Variants in LHFPL6 observed in about 807,000 individuals in gnomAD.
LHFPL6 encodes LHFPL tetraspan subfamily member 6, also known as LHFPL tetraspan subfamily member 6 protein.
In LHFPL6, 9 loss-of-function variants were observed where a neutral mutation model predicts 20.6. That is an observed-to-expected ratio of 0.44 (90% confidence interval 0.26 to 0.76). The LOEUF is 0.76. LHFPL6 is among the 30% of genes least tolerant of loss of function. The probability of loss-of-function intolerance (pLI) is 0.20; values close to 1 mark genes in which losing one functional copy is unlikely to be tolerated. For synonymous variants in LHFPL6, 105 were observed against 98.7 expected (o/e 1.06, Z -0.38); for missense variants, 218 against 253.5 (o/e 0.86, Z 0.95).
intron 2 of LHFPL6, among the ~76,000 whole-genome samples, chr13:39,419,474 C>T (rs933686519): frequency 4.6e-5 from 7 of 152,066 alleles, no homozygotes; most frequent in Admixed American, 2.6e-4. Context: ...AGTAAGGAAA[C>T]AAAAAGTGAA....
rs1009103974 is a variant in LHFPL6, at chr13:39,360,045, C to T, written c.485-15991G>A. The stretch of plus-strand genomic sequence containing the variant: ...GTTTTGTTTTGTTTTGTTTTTGAGA[C>T]AGTCTCGCTCTGTCGCCCAGGTTGG... On this transcript the variant is annotated intron_variant, in intron 3 of 3. Transcript: ENST00000379589. 6.2e-5 allele frequency among the ~76,000 whole-genome samples: 7 copies of T among 112,200 alleles called. No homozygotes were observed. In the South Asian group the frequency reaches 1.2e-3, roughly 19 times the overall value. 73.6% of individuals were successfully genotyped at this position (112,200 alleles called of 152,430 possible).
intron 2 of LHFPL6, among the ~76,000 whole-genome samples, chr13:39,472,385 T>C (rs548118890): frequency 1.7e-4 from 26 of 152,226 alleles, no homozygotes; most frequent in African/African-American, 5.8e-4. Flanking sequence ...AAGACAACTA[T>C]AATGAGTCCA....
intron 2 of LHFPL6, among the ~76,000 whole-genome samples, chr13:39,464,298 A>G (rs532607764): frequency 9.2e-5 from 14 of 152,352 alleles, no homozygotes; most frequent in African/African-American, 3.4e-4. Flanking sequence ...TAATTTTGAT[A>G]CAAACCAATA....
At chr13:39,532,755 TAGG>T (rs944289652) in intron 2 of LHFPL6, among the ~76,000 whole-genome samples, 1 of 152,172 alleles carries the variant, frequency 6.6e-6, no homozygotes, top group African/African-American at 2.4e-5. Flanking sequence ...AGAAGAACAC[TAGG>T]ATTCCACAAA....
At chr13:39,563,091 AACACACACACACACAC>A (rs60324329) in intron 2 of LHFPL6, among the ~76,000 whole-genome samples, 60 of 135,860 alleles carry the variant, frequency 4.4e-4, no homozygotes, top group South Asian at 2.2e-3. Context: ...CAATACTAGA[AACACACACACACACAC>A]ACACACACAC....
At chr13:39,359,952 G>A (rs527631356) in intron 3 of LHFPL6, among the ~76,000 whole-genome samples, 4 of 152,238 alleles carry the variant, frequency 2.6e-5, no homozygotes, top group Non-Finnish European at 4.4e-5. Context: ...AGTATGCCTC[G>A]ATGTATGATG....
At chr13:39,467,862 G>T (rs561558694) in intron 2 of LHFPL6, among the ~76,000 whole-genome samples, 1 of 152,260 alleles carries the variant, frequency 6.6e-6, no homozygotes, top group South Asian at 2.1e-4. Context: ...TCCCTATGAA[G>T]AAGGGTAAAT....
chr13:39,579,063 G>A (rs1280270795), intron 2 of LHFPL6, among the ~76,000 whole-genome samples: 3 of 152,158 alleles, frequency 2.0e-5, no homozygotes, highest in Non-Finnish European at 4.4e-5. Flanking sequence ...AAACAAGACC[G>A]GGGTGAATGG....
In LHFPL6 at chr13:39,343,603, T is replaced by TTTTG. The variant is rs1555257008; in HGVS notation, c.*332_*333insCAAA. 24 of 195,160 alleles carry TTTTG rather than the reference T, an allele frequency of 1.2e-4. No homozygotes were observed. The highest frequency in any genetic ancestry group is 5.4e-4 in the African/African-American group (21 of 39,118). 12.1% of individuals were successfully genotyped at this position (195,160 alleles called of 1,614,324 possible). ...ACCCTTGTTTGTATATGTAGATTTG[T>TTTTG]TGTGTGTGTGTGTGTGTGTGTGTGT... is the stretch of plus-strand genomic sequence containing the variant. On this transcript the variant is annotated 3_prime_UTR_variant, in exon 4 of 4. Transcript: ENST00000379589.
intron 2 of LHFPL6, among the ~76,000 whole-genome samples, chr13:39,504,007 T>C (rs915332466): frequency 3.3e-5 from 5 of 152,224 alleles, no homozygotes; most frequent in African/African-American, 1.2e-4. Context: ...ATCATTCCAT[T>C]GCCAAAAATG....
rs574533975 is a variant in LHFPL6, at chr13:39,525,495, G to A, written c.385+75337C>T. 1.3e-4 allele frequency among the ~76,000 whole-genome samples: 20 copies of A among 152,292 alleles called. 1 individual carries two copies. In the South Asian group the frequency reaches 4.2e-3, roughly 32 times the overall value. On this transcript the variant is annotated intron_variant, in intron 2 of 3. Transcript: ENST00000379589. ...TTAATATTATTTTAAGACTTCATGT[G>A]AGTGGTAATAAATGTAACGTCACTC...
intron 2 of LHFPL6, among the ~76,000 whole-genome samples, chr13:39,432,861 AATCAATCT>A (rs1173525678): frequency 6.6e-6 from 1 of 152,224 alleles, no homozygotes; most frequent in Non-Finnish European, 1.5e-5. Context: ...TTAATCAGTC[AATCAATCT>A]ATCACTGAAC....
At chr13:39,558,140 G>A (rs7982917) in intron 2 of LHFPL6, among the ~76,000 whole-genome samples, 52,497 of 151,982 alleles carry the variant, frequency 0.35, 10,115 homozygotes, top group Non-Finnish European at 0.43. Flanking sequence ...CTATCACACC[G>A]TTCAGTTAAT....
intron 2 of LHFPL6, among the ~76,000 whole-genome samples, chr13:39,435,655 TAGAC>T (rs1412655241): frequency 3.9e-5 from 6 of 152,302 alleles, no homozygotes; most frequent in South Asian, 4.1e-4. Flanking sequence ...ACTACATACA[TAGAC>T]AGCGAAATAC....
At chr13:39,600,712 AT>A (rs1872909657) in intron 2 of LHFPL6, 119 bp downstream of exon 2, 1 of 1,081,430 alleles carries the variant, frequency 9.2e-7, no homozygotes, top group Non-Finnish European at 1.2e-6. Flanking sequence ...GCCATTCCAA[AT>A]CTATTTCTCT....
At chr13:39,422,828 TTTAA>T (rs1445621941) in intron 2 of LHFPL6, among the ~76,000 whole-genome samples, 1 of 151,828 alleles carries the variant, frequency 6.6e-6, no homozygotes, top group Non-Finnish European at 1.5e-5. Flanking sequence ...AGGTAAGAGG[TTTAA>T]TTAACTCACA....
In LHFPL6 at chr13:39,533,667, G is replaced by A. The variant is rs142236800; in HGVS notation, c.385+67165C>T. ...AGTCCTCCCCACCACTGGAGTCCAT[G>A]CCAAGAACAGAGGTCTTCTAGTGTG... On this transcript the variant is annotated intron_variant, in intron 2 of 3. Coordinates refer to ENST00000379589, the MANE Select transcript of LHFPL6 (RefSeq NM_005780.3). Among the ~76,000 whole-genome samples the A allele has an allele frequency of 2.8e-4, 42 of 152,302 alleles. No individual in the cohort carries two copies. In the East Asian group the frequency reaches 7.7e-3, roughly 28 times the overall value.
At chr13:39,591,736 G>C (rs1012544676) in intron 2 of LHFPL6, among the ~76,000 whole-genome samples, 1 of 152,124 alleles carries the variant, frequency 6.6e-6, no homozygotes, top group African/African-American at 2.4e-5. Context: ...TCTGGGGCTA[G>C]GCCTTGGACT....
chr13:39,551,170 G>A (rs967347454), intron 2 of LHFPL6, among the ~76,000 whole-genome samples: 3 of 152,062 alleles, frequency 2.0e-5, no homozygotes, highest in African/African-American at 7.3e-5. Context: ...CCACAGAGTG[G>A]GTAATTTATA....
Sources: allele counts gnomAD v4.1 joint callset (sites outside exome capture counted in the v4.1 genomes callset), GRCh38; gene constraint gnomAD v4.1.1; transcripts MANE v1.5; gene names NCBI Gene and HGNC (gene_info 2026-07-23, HGNC 2026-07-21).